Variants in CDK19 observed in about 807,000 individuals in gnomAD.
The protein encoded by CDK19 is cyclin dependent kinase 19.
Under a neutral mutation model 68.3 loss-of-function variants are expected in CDK19, and 20 were observed. The observed-to-expected ratio is 0.29, with a 90% confidence interval of 0.21 to 0.43. CDK19 has a LOEUF of 0.43. Among genes scored for constraint, CDK19 ranks in the 20% least tolerant of loss-of-function variants. The pLI is 1.00. For synonymous variants in CDK19, 221 were observed against 222.8 expected, an observed-to-expected ratio of 0.99 and a Z score of 0.07; for missense variants, 339 against 623.5, an observed-to-expected ratio of 0.54 and a Z score of 4.86.
chr6:110,800,554 A>G (rs1484945866), intron 1 of CDK19, among the ~76,000 whole-genome samples: 2 of 152,222 alleles, frequency 1.3e-5, no homozygotes, highest in Non-Finnish European at 2.9e-5. Context: ...AAAAATCCTC[A>G]GCAAAATACA....
intron 4 of CDK19, among the ~76,000 whole-genome samples, chr6:110,663,340 T>C (rs947410264): frequency 3.3e-5 from 5 of 152,234 alleles, no homozygotes; most frequent in Non-Finnish European, 7.3e-5. Context: ...TTTAAGACCA[T>C]ATTCATATTT....
intron 2 of CDK19, chr6:110,700,924 T>C (rs1773934353): frequency 7.6e-6 from 1 of 131,938 alleles, no homozygotes; most frequent in Admixed American, 7.6e-5. Flanking sequence ...ATAAATTAAT[T>C]GGCCGGGCGC....
chr6:110,814,920 G>A, intron 1 of CDK19, 89 bp downstream of exon 1: 2 of 1,561,746 alleles, frequency 1.3e-6, no homozygotes, highest in Admixed American at 1.7e-5. Context: ...CTCGGGCACG[G>A]CCCGACTGGG....
intron 2 of CDK19, among the ~76,000 whole-genome samples, chr6:110,733,353 C>A (rs1354690433): frequency 6.6e-6 from 1 of 152,160 alleles, no homozygotes; most frequent in Non-Finnish European, 1.5e-5. Flanking sequence ...TCTCCTATGG[C>A]TGAACATTTG....
intron 1 of CDK19, among the ~76,000 whole-genome samples, chr6:110,778,446 A>C (rs1380084492): frequency 6.6e-6 from 1 of 152,156 alleles, no homozygotes; most frequent in African/African-American, 2.4e-5. Flanking sequence ...TGCCCCACTA[A>C]AACAGTTATG....
chr6:110,628,202 C>T (rs1046964068), intron 6 of CDK19, among the ~76,000 whole-genome samples: 3 of 152,014 alleles, frequency 2.0e-5, no homozygotes, highest in Non-Finnish European at 4.4e-5. Flanking sequence ...CAGAGTGAAA[C>T]ACCATCTTGG....
intron 1 of CDK19, chr6:110,813,373 C>T (rs1470408711): frequency 6.6e-6 from 1 of 152,052 alleles, no homozygotes; most frequent in Non-Finnish European, 1.5e-5. Flanking sequence ...ACAAAGTTAG[C>T]ATGAGGAGTA....
chr6:110,670,086 G>A (rs1770870053), intron 3 of CDK19, among the ~76,000 whole-genome samples: 1 of 152,098 alleles, frequency 6.6e-6, no homozygotes, highest in Non-Finnish European at 1.5e-5. Context: ...GAACCTGGGA[G>A]GCAGAGGTTG....
Position 110,668,336 on chromosome 6 carries a change from C to T in CDK19, c.316-762G>A, listed in dbSNP as rs576773774. Among the ~76,000 whole-genome samples, 15 of 152,226 alleles carry T rather than the reference C, an allele frequency of 9.9e-5. No individual in the cohort carries two copies. In the South Asian group the frequency reaches 2.5e-3, roughly 25 times the overall value. ...ACAATACTGATGAAATTGTCAATAG[C>T]GCTCCAGTAACTTTAAGATGACCAA... On this transcript the variant is annotated intron_variant, in intron 3 of 12. Transcript: ENST00000368911.
At chr6:110,678,264 T>C (rs942217252) in intron 2 of CDK19, among the ~76,000 whole-genome samples, 2 of 152,082 alleles carry the variant, frequency 1.3e-5, no homozygotes, top group African/African-American at 4.8e-5. Context: ...GTCACCCATA[T>C]GCATTAACTC....
intron 4 of CDK19, among the ~76,000 whole-genome samples, chr6:110,661,730 A>G (rs902772702): frequency 6.6e-6 from 1 of 152,232 alleles, no homozygotes; most frequent in Non-Finnish European, 1.5e-5. Flanking sequence ...CTTCTGTGAC[A>G]GAAGTAACAG....
chr6:110,666,348 C>T (rs1466385071), intron 4 of CDK19, among the ~76,000 whole-genome samples: 2 of 144,614 alleles, frequency 1.4e-5, no homozygotes, highest in Admixed American at 1.4e-4. Flanking sequence ...TTGCTTGAAC[C>T]CAGGAGGCGG....
chr6:110,761,975 G>C (rs1185745440), intron 1 of CDK19, among the ~76,000 whole-genome samples: 2 of 152,018 alleles, frequency 1.3e-5, no homozygotes, highest in Non-Finnish European at 2.9e-5. Flanking sequence ...TTCCCCCCAG[G>C]CTTTTGCTCC....
intron 2 of CDK19, among the ~76,000 whole-genome samples, chr6:110,689,173 G>A (rs1490794901): frequency 6.6e-6 from 1 of 152,092 alleles, no homozygotes; most frequent in Non-Finnish European, 1.5e-5. Context: ...TGCAGCAGAG[G>A]CAGCTATGTT....
chr6:110,675,419 G>A (rs913308423), intron 2 of CDK19, among the ~76,000 whole-genome samples: 2 of 152,066 alleles, frequency 1.3e-5, no homozygotes, highest in African/African-American at 4.8e-5. Flanking sequence ...CCTGAGGTCG[G>A]GAGTTCGAGA....
At chr6:110,810,981 C>T (rs764553943) in intron 1 of CDK19, among the ~76,000 whole-genome samples, 48 of 151,140 alleles carry the variant, frequency 3.2e-4, no homozygotes, top group Non-Finnish European at 5.9e-4. Flanking sequence ...TTTGTTTTTC[C>T]TCCCATGGTA....
chr6:110,653,354 G>T (rs1297357189), intron 4 of CDK19, among the ~76,000 whole-genome samples: 1 of 152,104 alleles, frequency 6.6e-6, no homozygotes, highest in East Asian at 1.9e-4. Context: ...GAAAGTATAT[G>T]CTCTTTTTTA....
At chr6:110,790,120 G>A (rs1781489335) in intron 1 of CDK19, among the ~76,000 whole-genome samples, 1 of 152,172 alleles carries the variant, frequency 6.6e-6, no homozygotes, top group African/African-American at 2.4e-5. Flanking sequence ...GTATATTTCT[G>A]GACTTCTTCT....
intron 2 of CDK19, among the ~76,000 whole-genome samples, chr6:110,685,354 T>A (rs923895237): frequency 6.6e-6 from 1 of 152,230 alleles, no homozygotes; most frequent in African/African-American, 2.4e-5. Flanking sequence ...TAGAAAGAAC[T>A]CATTTATCAC....
Sources: allele counts gnomAD v4.1 joint callset (sites outside exome capture counted in the v4.1 genomes callset), GRCh38; gene constraint gnomAD v4.1.1; transcripts MANE v1.5; gene names NCBI Gene and HGNC (gene_info 2026-07-23, HGNC 2026-07-21).